ZNF713: variants seen among roughly 807,000 people sequenced by gnomAD.
ZNF713 encodes the protein zinc finger protein 713.
A neutral mutation model predicts 28.7 loss-of-function variants in ZNF713; 21 were observed. The ratio of observed to expected loss-of-function variants is 0.73; its 90% confidence interval spans 0.52 to 1.05. The LOEUF (loss-of-function observed/expected upper bound fraction) is 1.05, where lower values mean the gene tolerates loss of function less well. Among genes scored for constraint, ZNF713 ranks in the 50% least tolerant of loss-of-function variants. The pLI is 0.00. For synonymous variants in ZNF713, 167 were observed against 178.0 expected (o/e 0.94, Z 0.49); for missense variants, 458 against 532.4 (o/e 0.86, Z 1.37).
intron 1 of ZNF713, among the ~76,000 whole-genome samples, chr7:55,893,513 G>A (rs947979744): frequency 6.6e-6 from 1 of 152,134 alleles, no homozygotes. Context: ...CAGAAGGCAG[G>A]GAATTAGGGT....
At chr7:55,904,204 C>T (rs1375069405) in intron 1 of ZNF713, among the ~76,000 whole-genome samples, 1 of 115,036 alleles carries the variant, frequency 8.7e-6, no homozygotes, top group African/African-American at 3.1e-5. Flanking sequence ...TGATGGCTCA[C>T]ACCTGCAATC....
intron 6 of ZNF713, among the ~76,000 whole-genome samples, chr7:55,933,458 G>T (rs1361068956): frequency 1.3e-5 from 2 of 151,610 alleles, no homozygotes; most frequent in Admixed American, 1.3e-4. Context: ...ACCACGCCTG[G>T]CTAATTTTTT....
chr7:55,939,008 A>C lies in ZNF713; in HGVS notation c.334A>C (p.Lys112Gln). ...TGGAGAAAACAGACCCGAAATCAAA[A>C]AGTCAACCACAAGCCAGAATATTTC... ...PDGENRPEIK[K>Q]STTSQNISDE... Residue 112 changes from lysine to glutamine, a missense_variant, in exon 7 of 7, where the codon AAG becomes CAG. By Grantham distance (53) the Lys-to-Gln change is moderately conservative. Coordinates refer to ENST00000429591, the MANE Select transcript of ZNF713 (RefSeq NM_182633.3). The C allele has an allele frequency of 6.3e-7, 1 of 1,584,910 alleles. No individual in the cohort carries two copies. The highest frequency in any genetic ancestry group is 8.6e-7 in the Non-Finnish European group (1 of 1,167,006).
chr7:55,900,100 T>G (rs774645698), intron 1 of ZNF713, among the ~76,000 whole-genome samples: 3 of 152,204 alleles, frequency 2.0e-5, no homozygotes, highest in Non-Finnish European at 2.9e-5. Context: ...TCTGTACTCC[T>G]ATGTTTATTG....
At chr7:55,891,702 A>G (rs1785382675) in intron 1 of ZNF713, among the ~76,000 whole-genome samples, 1 of 151,780 alleles carries the variant, frequency 6.6e-6, no homozygotes, top group South Asian at 2.1e-4. Context: ...CAAAACAAAA[A>G]CATAAATAAA....
intron 6 of ZNF713, among the ~76,000 whole-genome samples, chr7:55,935,062 T>C (rs1403913696): frequency 1.3e-5 from 2 of 152,010 alleles, no homozygotes; most frequent in African/African-American, 4.8e-5. Context: ...CTAATCTTTG[T>C]ATTTTTTTAG....
In ZNF713 at chr7:55,939,951, G is replaced by C. The variant is rs1255505939; in HGVS notation, c.1277G>C (p.Cys426Ser). The change falls in exon 7 of 7, where the codon TGT (cysteine) becomes TCT (serine). Residue 426 changes from cysteine (C) to serine (S), a missense_variant. Transcript: ENST00000429591. ...AAAATCCATACTCGGGAGAAATTAT[G>C]TGAATATAAATGTGAGCAAACTGTT... ...HRKIHTREKL[C>S]EYKCEQTVRH... 6.2e-7 allele frequency: 1 copy of C among 1,612,664 alleles called. No individual in the cohort carries two copies. The highest frequency in any genetic ancestry group is 1.3e-5 in the African/African-American group (1 of 74,960).
intron 6 of ZNF713, among the ~76,000 whole-genome samples, chr7:55,932,735 TTAGCCGGGCGCA>T (rs1476167009): frequency 1.4e-5 from 2 of 140,110 alleles, no homozygotes; most frequent in Admixed American, 1.4e-4. Context: ...ATACAAAAAA[TTAGCCGGGCGCA>T]GTGGCGGGCG....
In ZNF713 at chr7:55,939,611, C is replaced by A. The variant is rs770895448; in HGVS notation, c.937C>A (p.Pro313Thr). The A allele has an allele frequency of 2.5e-6, 4 of 1,614,146 alleles. No individual in the cohort carries two copies. The East Asian group carries it at 8.9e-5, about 36-fold the overall frequency. The change falls in exon 7 of 7, where the codon CCT (proline) becomes ACT (threonine). Residue 313 changes from proline to threonine, a missense_variant. Transcript: ENST00000429591. ...QHQRIHTGEK[P>T]FICNGCGKAF... ...TCAGAGAATTCACACAGGAGAAAAG[C>A]CTTTTATATGCAATGGATGTGGGAA...
chr7:55,889,855 C>T (rs1388575752), intron 1 of ZNF713, among the ~76,000 whole-genome samples: 2 of 152,156 alleles, frequency 1.3e-5, no homozygotes, highest in Non-Finnish European at 2.9e-5. Flanking sequence ...TTAATTTTAC[C>T]TTAGAGTATG....
At chr7:55,908,889 T>C (rs1562739828) in intron 2 of ZNF713, among the ~76,000 whole-genome samples, 1 of 152,034 alleles carries the variant, frequency 6.6e-6, no homozygotes, top group Non-Finnish European at 1.5e-5. Flanking sequence ...TAATACATCT[T>C]GAGTTAATTT....
At chr7:55,902,821 T>C (rs1785601298) in intron 1 of ZNF713, among the ~76,000 whole-genome samples, 2 of 151,828 alleles carry the variant, frequency 1.3e-5, no homozygotes, top group African/African-American at 2.4e-5. Context: ...ATGTGAATAA[T>C]TTGAGCTAAT....
intron 6 of ZNF713, among the ~76,000 whole-genome samples, chr7:55,937,224 C>G (rs553240373): frequency 3.3e-4 from 50 of 152,104 alleles, no homozygotes; most frequent in African/African-American, 1.2e-3. Context: ...CGCTTGAACC[C>G]ACAAGACAAG....
intron 4 of ZNF713, among the ~76,000 whole-genome samples, chr7:55,922,219 G>T (rs941190542): frequency 2.0e-5 from 3 of 150,756 alleles, no homozygotes; most frequent in African/African-American, 7.3e-5. Flanking sequence ...GAGCCACCAC[G>T]CCTGGCCTTA....
intron 2 of ZNF713, among the ~76,000 whole-genome samples, chr7:55,910,741 C>T (rs900011729): frequency 3.3e-5 from 5 of 152,218 alleles, no homozygotes; most frequent in Non-Finnish European, 5.9e-5. Flanking sequence ...CGTGATCTGC[C>T]TGCCTCAGCC....
At chr7:55,903,441 G>A (rs892837141) in intron 1 of ZNF713, among the ~76,000 whole-genome samples, 4 of 151,970 alleles carry the variant, frequency 2.6e-5, no homozygotes, top group Admixed American at 6.6e-5. Context: ...AGGACAAGGC[G>A]GGAAGATCAC....
chr7:55,896,620 CAT>C (rs1785478077), intron 1 of ZNF713, among the ~76,000 whole-genome samples: 1 of 150,852 alleles, frequency 6.6e-6, no homozygotes, highest in African/African-American at 2.4e-5. Context: ...TATACACACA[CAT>C]AAACACACAT....
In ZNF713 at chr7:55,940,061, A is replaced by C. The variant is rs1364761178; in HGVS notation, c.*55A>C. On this transcript the variant is annotated 3_prime_UTR_variant, in exon 7 of 7. Transcript: ENST00000429591. ...TAAATGTAGGAGATTTTTTGGTCAGACCTTTTTATCCCATTCAATATCAAA... is the reference window on the plus strand; with the variant it reads ...TAAATGTAGGAGATTTTTTGGTCAGCCCTTTTTATCCCATTCAATATCAAA... 13 of 1,505,662 alleles carry C rather than the reference A, an allele frequency of 8.6e-6. No individual in the cohort carries two copies. The highest frequency in any genetic ancestry group is 8.8e-6 in the Non-Finnish European group (10 of 1,131,084). The allele number at this position is 1,505,662 out of a possible 1,614,324, so 93.3% of individuals were successfully genotyped here.
At chr7:55,912,473 G>A (rs746493244) in intron 3 of ZNF713, among the ~76,000 whole-genome samples, 162 bp from the exon 4 acceptor site, 1 of 152,110 alleles carries the variant, frequency 6.6e-6, no homozygotes, top group Non-Finnish European at 1.5e-5. Flanking sequence ...TTGAATTCCC[G>A]AACTCCTGAA....
Sources: allele counts gnomAD v4.1 joint callset (sites outside exome capture counted in the v4.1 genomes callset), GRCh38; gene constraint gnomAD v4.1.1; transcripts MANE v1.5; gene names NCBI Gene and HGNC (gene_info 2026-07-23, HGNC 2026-07-21).